Variants in FBXO15 observed in about 807,000 individuals in gnomAD.
The protein encoded by FBXO15 is F-box only protein 15.
FBXO15 carries 30 observed loss-of-function variants against 49.5 expected under a neutral mutation model. That is an observed-to-expected ratio of 0.61 (90% CI 0.45 to 0.82). The LOEUF (loss-of-function observed/expected upper bound fraction) is 0.82. Among genes scored for constraint, FBXO15 ranks in the 40% least tolerant of loss-of-function variants. The pLI is 0.00. For missense variants in FBXO15, 591 were observed against 631.5 expected (o/e 0.94, Z 0.69); for synonymous variants, 250 against 232.7 (o/e 1.07, Z -0.68).
chr18:74,120,606 A>G (rs1044307794), intron 8 of FBXO15, among the ~76,000 whole-genome samples: 1 of 152,228 alleles, frequency 6.6e-6, no homozygotes, highest in African/African-American at 2.4e-5. Context: ...AGGAAATTAG[A>G]AAGTATTTTA....
At chr18:74,082,903 T>C (rs1459406541) in intron 8 of FBXO15, among the ~76,000 whole-genome samples, 1 of 152,078 alleles carries the variant, frequency 6.6e-6, no homozygotes, top group Non-Finnish European at 1.5e-5. Context: ...AAAGAGCAAA[T>C]GTTCTCCAGC....
At chr18:74,130,905 T>A (rs1399110354) in intron 3 of FBXO15, 2 of 369,864 alleles carry the variant, frequency 5.4e-6, no homozygotes, top group Non-Finnish European at 9.9e-6. Context: ...AGGTCTCAAG[T>A]GAGTAATCTC....
intron 3 of FBXO15, 137 bp downstream of exon 3, chr18:74,135,625 C>A: frequency 1.5e-6 from 1 of 654,602 alleles, no homozygotes; most frequent in Non-Finnish European, 2.6e-6. Flanking sequence ...ATAGTTAAAG[C>A]ATTTGACATT....
At chr18:74,088,452 A>C (rs1175817035) in intron 8 of FBXO15, among the ~76,000 whole-genome samples, 1 of 152,204 alleles carries the variant, frequency 6.6e-6, no homozygotes, top group Non-Finnish European at 1.5e-5. Context: ...CATTTATTGA[A>C]TAGGAAGTCC....
intron 8 of FBXO15, among the ~76,000 whole-genome samples, chr18:74,108,589 C>T (rs769830903): frequency 1.3e-5 from 2 of 148,270 alleles, no homozygotes; most frequent in Non-Finnish European, 3.0e-5. Context: ...AATTTACATG[C>T]AATGGAAATA....
intron 8 of FBXO15, among the ~76,000 whole-genome samples, chr18:74,111,261 C>CAAAAAAA (rs60236226): frequency 1.2e-5 from 1 of 84,352 alleles, no homozygotes; most frequent in Non-Finnish European, 2.7e-5. Flanking sequence ...GTCTCTGTCT[C>CAAAAAAA]AAAAAAAAAA....
At chr18:74,108,384 A>G (rs1913863367) in intron 8 of FBXO15, among the ~76,000 whole-genome samples, 1 of 152,162 alleles carries the variant, frequency 6.6e-6, no homozygotes, top group Non-Finnish European at 1.5e-5. Flanking sequence ...AATGCCAGAG[A>G]TTAAAAACCC....
intron 8 of FBXO15, among the ~76,000 whole-genome samples, chr18:74,111,358 C>G (rs1212444086): frequency 6.7e-6 from 1 of 149,908 alleles, no homozygotes; most frequent in Non-Finnish European, 1.5e-5. Context: ...TACAATTAAA[C>G]TAGATATCAA....
rs116614013 is a variant in FBXO15 at position 74,119,959 on chromosome 18, G to T, written c.1138+3409C>A. Among the ~76,000 whole-genome samples the T allele has an allele frequency of 5.6e-3, 855 of 152,302 alleles. 18 individuals are homozygous for T. Among genetic ancestry groups the T allele is most frequent in the African/African-American group, 0.019 (800 of 41,568 alleles). On this transcript the variant is annotated intron_variant, in intron 8 of 9. Transcript: ENST00000419743. ...TGTTCCCCCATTTCCCAGGCCAGCT[G>T]CCCACAGTGGTGGCACCAGGTCAGG... is the stretch of plus-strand genomic sequence containing the variant.
In FBXO15 at chr18:74,123,389, G is replaced by A. The variant is rs144253482; in HGVS notation, c.1117C>T (p.Arg373Cys). ...TCACCTCTCTTGGTGAAGAGATTGC[G>A]AAATGTACCACATAGGTAGAAAACC... is the stretch of plus-strand genomic sequence containing the variant. ...GGVFYLCGTF[R>C]NLFTKRGNIE... Residue 373 changes from arginine to cysteine, a missense_variant, in exon 8 of 10, where the codon CGC becomes TGC. By Grantham distance (180) the Arg-to-Cys change is radical. Coordinates refer to ENST00000419743, the MANE Select transcript of FBXO15 (RefSeq NM_001142958.2). 149 of 1,611,936 alleles carry A rather than the reference G, an allele frequency of 9.2e-5. No homozygotes were observed. The highest frequency in any genetic ancestry group is 7.1e-4 in the South Asian group (64 of 90,550).
intron 8 of FBXO15, among the ~76,000 whole-genome samples, chr18:74,114,392 T>C (rs1914144499): frequency 6.6e-6 from 1 of 152,218 alleles, no homozygotes; most frequent in Non-Finnish European, 1.5e-5. Context: ...GCTGACTTTG[T>C]TCTGTATCCT....
At chr18:74,115,668 C>T (rs1914199082) in intron 8 of FBXO15, among the ~76,000 whole-genome samples, 1 of 152,136 alleles carries the variant, frequency 6.6e-6, no homozygotes, top group Admixed American at 6.5e-5. Flanking sequence ...GCATTCCATA[C>T]TTTCTAAAGA....
rs762160136 is a variant in FBXO15, at chr18:74,140,187, A to C, written c.227+15T>G. Reference sequence around the variant, plus strand: ...TAGAGGCCCCCAAAAGTGACAGTCTACTTCTGCTACTTACCCATCCAGGAA... The same window carrying C: ...TAGAGGCCCCCAAAAGTGACAGTCTCCTTCTGCTACTTACCCATCCAGGAA... On this transcript the variant is annotated intron_variant, in intron 2 of 9. Transcript: ENST00000419743. The C allele has an allele frequency of 1.9e-6, 3 of 1,546,868 alleles. No individual in the cohort carries two copies. The South Asian group carries it at 3.6e-5, about 18-fold the overall frequency.
chr18:74,129,821 A>C (rs1978317276), intron 4 of FBXO15, among the ~76,000 whole-genome samples: 1 of 152,174 alleles, frequency 6.6e-6, no homozygotes, highest in Non-Finnish European at 1.5e-5. Context: ...AACATCCATG[A>C]TTTTCCAGGT....
At chr18:74,141,795 C>T (rs1979093750) in intron 1 of FBXO15, among the ~76,000 whole-genome samples, 1 of 152,208 alleles carries the variant, frequency 6.6e-6, no homozygotes, top group Non-Finnish European at 1.5e-5. Flanking sequence ...CTGGAGCCTA[C>T]CGCAAGACAG....
chr18:74,136,262 G>T (rs141709761), intron 2 of FBXO15, among the ~76,000 whole-genome samples: 2 of 152,234 alleles, frequency 1.3e-5, no homozygotes, highest in East Asian at 3.9e-4. Context: ...GTTCACTGCA[G>T]CCCAGAACTC....
intron 8 of FBXO15, among the ~76,000 whole-genome samples, chr18:74,105,959 A>G (rs1360775678): frequency 6.6e-6 from 1 of 152,216 alleles, no homozygotes; most frequent in East Asian, 1.9e-4. Flanking sequence ...AAAAGCATAA[A>G]TGGATAAAAA....
At chr18:74,116,503 AATG>A (rs143679835) in intron 8 of FBXO15, among the ~76,000 whole-genome samples, 8,366 of 152,238 alleles carry the variant, frequency 0.055, 327 homozygotes, top group Middle Eastern at 0.085. Context: ...GTCCATACAG[AATG>A]ACCAAATTCT....
intron 7 of FBXO15, among the ~76,000 whole-genome samples, chr18:74,124,116 A>G (rs1914596103): frequency 6.6e-6 from 1 of 152,182 alleles, no homozygotes. Flanking sequence ...CACTGTCCAG[A>G]CCGGACAGAA....
Sources: gnomAD v4.1 joint callset for allele counts (sites outside exome capture counted in the v4.1 genomes callset) on GRCh38, gnomAD v4.1.1 for gene constraint, MANE v1.5 for transcripts, NCBI Gene and HGNC (gene_info 2026-07-23, HGNC 2026-07-21) for gene names.